KAT6B: variants seen among roughly 807,000 people sequenced by gnomAD.
KAT6B encodes histone acetyltransferase KAT6B.
Under a neutral mutation model 187.5 loss-of-function variants are expected in KAT6B, and 10 were observed. The ratio of observed to expected loss-of-function variants is 0.05; its 90% CI spans 0.03 to 0.09. KAT6B has a LOEUF of 0.09. Among genes scored for constraint, KAT6B ranks in the 10% least tolerant of loss-of-function variants. The pLI is 1.00. For missense variants in KAT6B, 1,952 were observed against 2,558.9 expected (o/e 0.76, Z 5.12); for synonymous variants, 861 against 926.8 (o/e 0.93, Z 1.29).
chr10:75,011,494 C>T (rs1201278237), intron 13 of KAT6B, among the ~76,000 whole-genome samples: 3 of 152,158 alleles, frequency 2.0e-5, no homozygotes, highest in African/African-American at 7.2e-5. Context: ...AGGCAATGGG[C>T]TTCGTGAACA....
chr10:74,982,487 A>G (rs1337559179), intron 11 of KAT6B: 1 of 155,216 alleles, frequency 6.4e-6, no homozygotes, highest in Non-Finnish European at 1.4e-5. Flanking sequence ...TATGTCTGTC[A>G]TTGTGGGTTT....
chr10:74,954,097 C>G (rs570447087), intron 3 of KAT6B, among the ~76,000 whole-genome samples: 7 of 152,154 alleles, frequency 4.6e-5, no homozygotes, highest in Non-Finnish European at 7.4e-5. Flanking sequence ...TTGAAGAGTC[C>G]CAGATCCCCA....
chr10:74,882,866 G>T (rs11001191), intron 3 of KAT6B, among the ~76,000 whole-genome samples: 1 of 152,168 alleles, frequency 6.6e-6, no homozygotes, highest in East Asian at 1.9e-4. Context: ...GGTTCACATA[G>T]TTTCTTCTGA....
intron 3 of KAT6B, among the ~76,000 whole-genome samples, chr10:74,883,115 T>C (rs1305447944): frequency 6.6e-6 from 1 of 152,204 alleles, no homozygotes. Flanking sequence ...ATTGAAATAA[T>C]GCACATGTAA....
intron 3 of KAT6B, among the ~76,000 whole-genome samples, chr10:74,885,325 G>T (rs938798077): frequency 6.6e-6 from 1 of 152,072 alleles, no homozygotes; most frequent in Admixed American, 6.6e-5. Flanking sequence ...AGGAGAAAAT[G>T]TAAATTTATA....
chr10:74,878,379 GT>G (rs1170650026), intron 3 of KAT6B, among the ~76,000 whole-genome samples: 2 of 152,232 alleles, frequency 1.3e-5, no homozygotes, highest in African/African-American at 4.8e-5. Context: ...GGCTGACTGG[GT>G]TTGGGGTGAA....
chr10:74,855,161 A>T (rs1429284510), intron 3 of KAT6B, among the ~76,000 whole-genome samples: 1 of 152,200 alleles, frequency 6.6e-6, no homozygotes, highest in African/African-American at 2.4e-5. Context: ...GAATTTAGAT[A>T]ATTTCTTCCG....
At position 74,910,144 on chromosome 10, in the gene KAT6B, AAAT is replaced by A. The variant is rs200268995; in HGVS notation, c.622-49824_622-49822del. Among the ~76,000 whole-genome samples the A allele has an allele frequency of 1.8e-3, 252 of 138,864 alleles. 3 individuals carry two copies. The highest frequency in any genetic ancestry group is 7.1e-3 in the African/African-American group (214 of 30,268). 91.1% of individuals were successfully genotyped at this position (138,864 alleles called of 152,430 possible). A position where few individuals can be genotyped will look rare whatever the true frequency, so the allele number is the denominator to read the frequency against. ...ATCTCTACTAAAAAAAAAAAAAAAA[AAAT>A]ATTAGCCAGGCGTGGTGGCGCATGC... On this transcript the variant is annotated intron_variant, in intron 3 of 17. Transcript: ENST00000287239.
chr10:74,834,310 G>C (rs1461059407), intron 1 of KAT6B, among the ~76,000 whole-genome samples: 1 of 151,226 alleles, frequency 6.6e-6, no homozygotes, highest in East Asian at 1.9e-4. Flanking sequence ...CAATTCCCCT[G>C]CCTCAGCCTT....
chr10:74,960,472 T>C (rs527305614), intron 4 of KAT6B, among the ~76,000 whole-genome samples: 1 of 151,994 alleles, frequency 6.6e-6, no homozygotes, highest in Non-Finnish European at 1.5e-5. Flanking sequence ...AATCTTCAAA[T>C]TTTTTCCCCA....
rs1842087488 is a variant in KAT6B at position 74,975,403 on chromosome 10, G to A, written c.1066G>A (p.Val356Ile). The A allele has an allele frequency of 1.2e-6, 2 of 1,613,744 alleles. No individual in the cohort carries two copies. The highest frequency in any genetic ancestry group is 1.7e-6 in the Non-Finnish European group (2 of 1,179,678). The change falls in exon 8 of 18, where the codon GTA (valine) becomes ATA (isoleucine). Residue 356 changes from valine to isoleucine, a missense_variant. Transcript: ENST00000287239. Reference sequence around the variant, plus strand: ...ATTCTCTAAATTTCTGCCTAGGTCTGTAACCAGTGATGAAGGATCCATGAA... The same window carrying A: ...ATTCTCTAAATTTCTGCCTAGGTCTATAACCAGTGATGAAGGATCCATGAA... The part of the protein sequence containing the change: ...KNKLKQRLLS[V>I]TSDEGSMNAF...
At chr10:74,918,465 G>A (rs934003806) in intron 3 of KAT6B, among the ~76,000 whole-genome samples, 16 of 152,300 alleles carry the variant, frequency 1.1e-4, no homozygotes, top group Middle Eastern at 3.4e-3. Flanking sequence ...TTTCAGGCTG[G>A]GCACGGTGGC....
At chr10:74,963,958 T>C (rs1841281666) in intron 4 of KAT6B, among the ~76,000 whole-genome samples, 1 of 150,474 alleles carries the variant, frequency 6.6e-6, no homozygotes. Context: ...ACCCCATCCC[T>C]ACTAAAAAAA....
At position 74,895,102 on chromosome 10, in the gene KAT6B, T is replaced by C. The variant is rs537620622; in HGVS notation, c.621+51624T>C. Reference sequence around the variant, plus strand: ...CCATTTTAATGGGTCTGAGGTGATATTTCATTATGGTTTTGATTTGCATTT... The same window carrying C: ...CCATTTTAATGGGTCTGAGGTGATACTTCATTATGGTTTTGATTTGCATTT... On this transcript the variant is annotated intron_variant, in intron 3 of 17. Coordinates refer to ENST00000287239, the MANE Select transcript of KAT6B (RefSeq NM_012330.4). Among the ~76,000 whole-genome samples, 9 of 152,232 alleles carry C rather than the reference T, an allele frequency of 5.9e-5. No homozygotes were observed. The South Asian group carries it at 1.0e-3, about 18-fold the overall frequency.
At chr10:75,018,409 T>G (rs918816094) in intron 13 of KAT6B, among the ~76,000 whole-genome samples, 6 of 152,054 alleles carry the variant, frequency 3.9e-5, no homozygotes, top group Non-Finnish European at 7.4e-5. Flanking sequence ...TGCTAAAAGG[T>G]TTATGCCTAA....
chr10:74,850,916 G>A (rs973743536), intron 3 of KAT6B, among the ~76,000 whole-genome samples: 2 of 152,128 alleles, frequency 1.3e-5, no homozygotes, highest in Non-Finnish European at 2.9e-5. Context: ...TCTGTTTCCA[G>A]TGTAGTACAT....
chr10:74,904,487 T>A (rs1443834535), intron 3 of KAT6B, among the ~76,000 whole-genome samples: 1 of 152,212 alleles, frequency 6.6e-6, no homozygotes. Context: ...ACACTTTTGG[T>A]CTTTACAATC....
chr10:74,900,533 C>T (rs776222312), intron 3 of KAT6B, among the ~76,000 whole-genome samples: 7 of 152,210 alleles, frequency 4.6e-5, no homozygotes, highest in Admixed American at 2.0e-4. Flanking sequence ...TCTTTTCCAG[C>T]GCACGTGTAG....
At chr10:75,015,431 A>G (rs1844911125) in intron 13 of KAT6B, among the ~76,000 whole-genome samples, 1 of 152,232 alleles carries the variant, frequency 6.6e-6, no homozygotes, top group South Asian at 2.1e-4. Flanking sequence ...CACTAATTGC[A>G]AAATCACCAC....
Sources: allele counts gnomAD v4.1 joint callset (sites outside exome capture counted in the v4.1 genomes callset), GRCh38; gene constraint gnomAD v4.1.1; transcripts MANE v1.5; gene names NCBI Gene and HGNC (gene_info 2026-07-23, HGNC 2026-07-21).